Variants in MTTP observed in about 807,000 individuals in gnomAD.
MTTP encodes the protein microsomal triglyceride transfer protein.
MTTP carries 49 observed loss-of-function variants against 90.6 expected under a neutral mutation model. That is an observed-to-expected ratio of 0.54 (90% CI 0.43 to 0.69). The LOEUF is 0.69. Among genes scored for constraint, MTTP ranks in the 30% least tolerant of loss-of-function variants. MTTP has a pLI of 0.00. For synonymous variants in MTTP, 347 were observed against 384.2 expected, an observed-to-expected ratio of 0.90 and a Z score of 1.13; for missense variants, 945 against 1,067.5, an observed-to-expected ratio of 0.89 and a Z score of 1.60.
At chr4:99,569,579 A>T (rs986228168) in intron 1 of MTTP, among the ~76,000 whole-genome samples, 1 of 152,030 alleles carries the variant, frequency 6.6e-6, no homozygotes, top group African/African-American at 2.4e-5. Context: ...TAAACAATAA[A>T]CCTATTTTAA....
chr4:99,589,846 T>C, intron 4 of MTTP, 96 bp downstream of exon 4: 3 of 878,436 alleles, frequency 3.4e-6, no homozygotes, highest in Admixed American at 3.8e-5. Flanking sequence ...ACTAAGGTAA[T>C]GCTCAGAAAA....
intron 16 of MTTP, among the ~76,000 whole-genome samples, chr4:99,619,445 A>G (rs1180269513): frequency 6.6e-6 from 1 of 152,104 alleles, no homozygotes; most frequent in Admixed American, 6.6e-5. Context: ...TTCAGTGGGG[A>G]AAAATAAAAT....
intron 7 of MTTP, chr4:99,595,765 TC>T (rs1237267068): frequency 3.9e-5 from 6 of 152,000 alleles, no homozygotes; most frequent in Admixed American, 1.3e-4. Flanking sequence ...GTTTTTTTTT[TC>T]ATATGTCATT....
At chr4:99,612,738 C>A (rs1408586073) in intron 14 of MTTP, among the ~76,000 whole-genome samples, 175 bp from the exon 15 acceptor site, 2 of 152,086 alleles carry the variant, frequency 1.3e-5, no homozygotes, top group African/African-American at 2.4e-5. Flanking sequence ...AAAAACTAAC[C>A]CACCTTATAT....
upstream of MTTP, chr4:99,574,562 GT>G (rs936363189): frequency 7.2e-6 from 3 of 418,474 alleles, no homozygotes; most frequent in Middle Eastern, 7.3e-4. Flanking sequence ...ATCACCACCA[GT>G]TTTTTTCTTT....
chr4:99,569,882 T>C (rs557537059), upstream of MTTP, among the ~76,000 whole-genome samples: 6 of 152,182 alleles, frequency 3.9e-5, no homozygotes, highest in Admixed American at 6.5e-5. Flanking sequence ...TACACACTTT[T>C]ATAGTATTAT....
At chr4:99,574,733 C>T (rs1024796671), upstream of MTTP, 18 of 1,389,846 alleles carry the variant, frequency 1.3e-5, no homozygotes, top group African/African-American at 2.4e-4. Flanking sequence ...TAATAGTGAG[C>T]CCTTCAGTGA....
intron 15 of MTTP, among the ~76,000 whole-genome samples, chr4:99,614,839 A>G (rs1258305980): frequency 7.9e-5 from 12 of 152,226 alleles, no homozygotes; most frequent in Non-Finnish European, 5.9e-5. Flanking sequence ...GAAGCTTTTG[A>G]ACATAGTTTT....
chr4:99,598,810 T>A (rs566929129), intron 8 of MTTP, among the ~76,000 whole-genome samples: 1 of 152,096 alleles, frequency 6.6e-6, no homozygotes, highest in South Asian at 2.1e-4. Flanking sequence ...ATTACAGGCA[T>A]GTGCCACCAC....
intron 1 of MTTP, 45 bp downstream of exon 1, chr4:99,575,015 G>A: frequency 6.2e-7 from 1 of 1,600,992 alleles, no homozygotes; most frequent in Non-Finnish European, 8.6e-7. Context: ...TCCATCTTTG[G>A]AGTTGGAGGC....
intron 3 of MTTP, among the ~76,000 whole-genome samples, chr4:99,585,473 T>A (rs943470710): frequency 1.3e-5 from 2 of 152,190 alleles, no homozygotes; most frequent in Non-Finnish European, 2.9e-5. Context: ...ACTTGTAGTG[T>A]TCCTTATTTA....
At chr4:99,592,535 T>TA (rs1725455604) in intron 6 of MTTP, among the ~76,000 whole-genome samples, 1 of 151,990 alleles carries the variant, frequency 6.6e-6, no homozygotes, top group Non-Finnish European at 1.5e-5. Context: ...TTTTTATTTT[T>TA]TTCTTTTAAA....
intron 15 of MTTP, among the ~76,000 whole-genome samples, chr4:99,614,946 G>GA (rs1182703958): frequency 2.0e-5 from 3 of 152,004 alleles, no homozygotes; most frequent in Admixed American, 2.0e-4. Flanking sequence ...AGTCACACAT[G>GA]AAAAAAACAG....
intron 12 of MTTP, among the ~76,000 whole-genome samples, chr4:99,610,005 T>A (rs888600018): frequency 6.6e-6 from 1 of 152,112 alleles, no homozygotes; most frequent in African/African-American, 2.4e-5. Context: ...GAGAACAGAC[T>A]AGAAATTGTG....
In MTTP at chr4:99,611,180, C is replaced by G. The variant is rs1456725349; in HGVS notation, c.1807C>G (p.His603Asp). Residue 603 changes from histidine to aspartate, a missense_variant, in exon 13 of 18, where the codon CAC becomes GAC. His to Asp is a moderately conservative substitution (Grantham distance 81, BLOSUM62 -1). Transcript: ENST00000265517. The part of the protein sequence containing the change: ...VRRVLKEMVA[H>D]NYDRFSRSGS... ...TCGAGTTCTGAAGGAAATGGTCGCT[C>G]ACAATTATGACCGTTTCTCCAGGAG... 6.2e-7 allele frequency: 1 copy of G among 1,613,816 alleles called. No homozygotes were observed. The highest frequency in any genetic ancestry group is 8.5e-7 in the Non-Finnish European group (1 of 1,179,972).
At chr4:99,571,007 T>G, upstream of MTTP, 1 of 295,196 alleles carries the variant, frequency 3.4e-6, no homozygotes, top group South Asian at 3.3e-5. Context: ...CCACTAAGTT[T>G]TGTGGTAATT....
intron 10 of MTTP, among the ~76,000 whole-genome samples, chr4:99,605,250 A>C (rs1027571122): frequency 2.4e-4 from 37 of 152,286 alleles, no homozygotes; most frequent in African/African-American, 8.7e-4. Context: ...CATTAAAAAA[A>C]ATTTTTCTTT....
intron 4 of MTTP, 37 bp from the exon 5 acceptor site, chr4:99,591,198 G>T: frequency 1.4e-6 from 2 of 1,451,786 alleles, no homozygotes; most frequent in South Asian, 2.3e-5. Flanking sequence ...TGGCCCACAA[G>T]GAATCCCAAG....
intron 1 of MTTP, among the ~76,000 whole-genome samples, chr4:99,565,227 T>A (rs1724646061): frequency 6.6e-6 from 1 of 152,200 alleles, no homozygotes; most frequent in South Asian, 2.1e-4. Context: ...ATGGGATCTG[T>A]TTTATAAATA....
Sources: allele counts gnomAD v4.1 joint callset (sites outside exome capture counted in the v4.1 genomes callset), GRCh38; gene constraint gnomAD v4.1.1; transcripts MANE v1.5; gene names NCBI Gene and HGNC (gene_info 2026-07-23, HGNC 2026-07-21).